The following MAP3K19 variants were observed in gnomAD, a reference collection of about 807,000 sequenced individuals.
MAP3K19 encodes SPS1/STE20-related protein kinase YSK4.
A neutral mutation model predicts 114.4 loss-of-function variants in MAP3K19; 91 were observed. The observed-to-expected ratio is 0.80, with a 90% CI of 0.67 to 0.95. The LOEUF (loss-of-function observed/expected upper bound fraction) is 0.95. Among genes scored for constraint, MAP3K19 ranks in the 40% least tolerant of loss-of-function variants. The pLI is 0.00. For synonymous variants in MAP3K19, 518 were observed against 530.5 expected (o/e 0.98, Z 0.32); for missense variants, 1,471 against 1,573.2 (o/e 0.94, Z 1.10).
At chr2:135,026,725 C>T (rs567645584) in intron 3 of MAP3K19, among the ~76,000 whole-genome samples, 1 of 152,252 alleles carries the variant, frequency 6.6e-6, no homozygotes, top group South Asian at 2.1e-4. Flanking sequence ...CTTGAAAACA[C>T]TATTATAAAT....
chr2:134,965,952 C>T (rs1158907904), intron 12 of MAP3K19, among the ~76,000 whole-genome samples: 1 of 152,188 alleles, frequency 6.6e-6, no homozygotes, highest in East Asian at 1.9e-4. Flanking sequence ...GATCTACTTT[C>T]GTAGCTCCCA....
intron 8 of MAP3K19, among the ~76,000 whole-genome samples, chr2:134,995,100 C>T (rs944175372): frequency 6.6e-6 from 1 of 151,960 alleles, no homozygotes; most frequent in African/African-American, 2.4e-5. Flanking sequence ...TCACTTGAGC[C>T]CAAGAGTTCA....
intron 12 of MAP3K19, among the ~76,000 whole-genome samples, chr2:134,970,288 A>T (rs886126731): frequency 6.6e-6 from 1 of 151,908 alleles, no homozygotes; most frequent in Admixed American, 6.6e-5. Flanking sequence ...TTTTTCATCA[A>T]TGTTTTGTAG....
intron 9 of MAP3K19, among the ~76,000 whole-genome samples, chr2:134,990,015 G>T (rs1336335157): frequency 6.6e-6 from 1 of 151,906 alleles, no homozygotes; most frequent in Non-Finnish European, 1.5e-5. Context: ...CCAGGAGGTG[G>T]TGGTTGCAGT....
chr2:135,018,028 A>T (rs1687692030), intron 5 of MAP3K19, among the ~76,000 whole-genome samples: 1 of 152,236 alleles, frequency 6.6e-6, no homozygotes, highest in Non-Finnish European at 1.5e-5. Flanking sequence ...ACGGTGGCTC[A>T]TGCCTGTAAT....
intron 8 of MAP3K19, among the ~76,000 whole-genome samples, chr2:134,991,785 T>C (rs1015443044): frequency 6.6e-6 from 1 of 152,192 alleles, no homozygotes; most frequent in Non-Finnish European, 1.5e-5. Flanking sequence ...GTTGCTGTTT[T>C]ATATTTATAT....
intron 8 of MAP3K19, among the ~76,000 whole-genome samples, chr2:134,994,720 A>G (rs923323483): frequency 2.0e-5 from 3 of 152,200 alleles, no homozygotes; most frequent in African/African-American, 7.2e-5. Flanking sequence ...CCCTCTATCA[A>G]TCGTCCAGTT....
chr2:135,011,536 CA>C (rs61361416), intron 5 of MAP3K19, among the ~76,000 whole-genome samples: 250 of 79,228 alleles, frequency 3.2e-3, no homozygotes, highest in Non-Finnish European at 3.1e-3. Context: ...GACTCTGTCT[CA>C]AAAAAAAAAA....
At chr2:134,976,635 T>C (rs1480189162) in intron 12 of MAP3K19, among the ~76,000 whole-genome samples, 1 of 152,128 alleles carries the variant, frequency 6.6e-6, no homozygotes, top group East Asian at 1.9e-4. Context: ...CCTCCTCTTT[T>C]AATAATTTTG....
At chr2:135,034,907 G>C (rs1203038170) in intron 2 of MAP3K19, among the ~76,000 whole-genome samples, 3 of 146,848 alleles carry the variant, frequency 2.0e-5, no homozygotes, top group African/African-American at 7.4e-5. Flanking sequence ...CTTGAGGGAA[G>C]CAAACCTATT....
intron 5 of MAP3K19, among the ~76,000 whole-genome samples, chr2:135,013,542 T>C (rs982007371): frequency 2.6e-5 from 4 of 152,094 alleles, no homozygotes; most frequent in Admixed American, 2.0e-4. Flanking sequence ...TCATACAGAG[T>C]AGTTTCAGTG....
At chr2:135,019,045 C>T (rs1201857504) in intron 5 of MAP3K19, among the ~76,000 whole-genome samples, 1 of 151,628 alleles carries the variant, frequency 6.6e-6, no homozygotes, top group Non-Finnish European at 1.5e-5. Context: ...TGCCACTGCA[C>T]TCCAGCCTGG....
chr2:135,006,932 C>T (rs1036308514), intron 5 of MAP3K19, among the ~76,000 whole-genome samples: 1 of 152,024 alleles, frequency 6.6e-6, no homozygotes, highest in African/African-American at 2.4e-5. Flanking sequence ...AATCCTAGCA[C>T]TTTGGGAGGC....
chr2:135,000,612 T>C (rs1686370471), intron 6 of MAP3K19, among the ~76,000 whole-genome samples: 1 of 152,206 alleles, frequency 6.6e-6, no homozygotes. Flanking sequence ...ATTAAGGATA[T>C]GCCAAGCCCA....
intron 5 of MAP3K19, among the ~76,000 whole-genome samples, chr2:135,016,473 G>T (rs1367701779): frequency 2.6e-5 from 4 of 151,952 alleles, no homozygotes; most frequent in African/African-American, 9.7e-5. Flanking sequence ...CTTCAATATT[G>T]CCCTCAGTAT....
chr2:134,967,631 C>A (rs1039928349), intron 12 of MAP3K19, among the ~76,000 whole-genome samples: 12 of 152,168 alleles, frequency 7.9e-5, no homozygotes, highest in Admixed American at 1.3e-4. Context: ...CCTTGAACTT[C>A]CTTATGACTT....
intron 12 of MAP3K19, among the ~76,000 whole-genome samples, chr2:134,969,123 G>A (rs916159673): frequency 2.0e-5 from 3 of 152,126 alleles, no homozygotes; most frequent in Admixed American, 1.3e-4. Flanking sequence ...TGAGGCTGGC[G>A]GATCACTCGC....
At chr2:135,022,280 C>A (rs749173272) in intron 4 of MAP3K19, among the ~76,000 whole-genome samples, 12 of 152,012 alleles carry the variant, frequency 7.9e-5, no homozygotes, top group Non-Finnish European at 1.5e-4. Flanking sequence ...ATTGCAAAAC[C>A]CTCTGTAGGG....
intron 8 of MAP3K19, among the ~76,000 whole-genome samples, chr2:134,996,390 T>C (rs1358992212): frequency 6.6e-6 from 1 of 152,066 alleles, no homozygotes; most frequent in East Asian, 1.9e-4. Context: ...AATGGCTATG[T>C]GCCAGGTATG....
Sources: allele counts gnomAD v4.1 joint callset (sites outside exome capture counted in the v4.1 genomes callset), GRCh38; gene constraint gnomAD v4.1.1; transcripts MANE v1.5; gene names NCBI Gene and HGNC (gene_info 2026-07-23, HGNC 2026-07-21).